The following CHD2 variants were observed in gnomAD, a reference collection of about 807,000 sequenced individuals.
CHD2 encodes the protein chromodomain helicase DNA binding protein 2.
A neutral mutation model predicts 243.9 loss-of-function variants in CHD2; 28 were observed. The observed-to-expected ratio is 0.11, with a 90% CI of 0.09 to 0.16. The LOEUF (loss-of-function observed/expected upper bound fraction) is 0.16, where lower values mean the gene tolerates loss of function less well. Ranked by LOEUF, CHD2 falls within the 10% of genes least tolerant of loss-of-function variation. The pLI, the probability that CHD2 is intolerant of heterozygous loss-of-function variation, is 1.00. For synonymous variants in CHD2, 775 were observed against 779.0 expected, an observed-to-expected ratio of 0.99 and a Z score of 0.09; for missense variants, 1,386 against 2,209.8, an observed-to-expected ratio of 0.63 and a Z score of 7.47.
intron 21 of CHD2, among the ~76,000 whole-genome samples, chr15:92,978,728 T>C (rs553360871): frequency 9.5e-4 from 144 of 152,248 alleles, no homozygotes; most frequent in African/African-American, 2.3e-3. Flanking sequence ...GTTTTTATTA[T>C]ACATGACAGT....
chr15:92,974,550 T>G (rs1289877825), intron 19 of CHD2, among the ~76,000 whole-genome samples: 1 of 152,196 alleles, frequency 6.6e-6, no homozygotes, highest in Non-Finnish European at 1.5e-5. Flanking sequence ...CTGCAGTACC[T>G]ACAGAAACAG....
chr15:92,929,180 C>A, intron 5 of CHD2, 89 bp downstream of exon 5: 1 of 1,227,272 alleles, frequency 8.1e-7, no homozygotes, highest in Non-Finnish European at 1.2e-6. Context: ...CTTTAGTCTA[C>A]TCCAGGTCCC....
intron 2 of CHD2, among the ~76,000 whole-genome samples, chr15:92,916,700 C>T (rs571563563): frequency 1.5e-4 from 23 of 152,232 alleles, no homozygotes; most frequent in African/African-American, 4.1e-4. Context: ...ACTACAGGCG[C>T]GTGCCACCAC....
intron 2 of CHD2, among the ~76,000 whole-genome samples, chr15:92,919,009 C>T (rs774516909): frequency 2.6e-5 from 4 of 151,944 alleles, no homozygotes; most frequent in Non-Finnish European, 5.9e-5. Context: ...CAGGTGCATG[C>T]CACCATACCT....
chr15:93,022,631 G>A (rs1425856124), intron 38 of CHD2, among the ~76,000 whole-genome samples: 2 of 152,204 alleles, frequency 1.3e-5, no homozygotes, highest in African/African-American at 4.8e-5. Context: ...GTATTCAGCT[G>A]TATACCTGGG....
At chr15:92,975,775 G>A (rs1247169605) in intron 20 of CHD2, among the ~76,000 whole-genome samples, 1 of 152,056 alleles carries the variant, frequency 6.6e-6, no homozygotes, top group Non-Finnish European at 1.5e-5. Flanking sequence ...TGCCTTTAGA[G>A]TGTAGAAATC....
At chr15:92,976,418 G>A (rs1018397193) in intron 20 of CHD2, among the ~76,000 whole-genome samples, 1 of 152,112 alleles carries the variant, frequency 6.6e-6, no homozygotes, top group African/African-American at 2.4e-5. Flanking sequence ...ACAACTTGCT[G>A]TTCACGTCTT....
intron 37 of CHD2, among the ~76,000 whole-genome samples, chr15:93,016,170 G>A (rs1185556658): frequency 6.6e-6 from 1 of 152,232 alleles, no homozygotes; most frequent in Non-Finnish European, 1.5e-5. Flanking sequence ...ATAGTATTCA[G>A]CTTTAAAAAG....
chr15:93,014,184 T>C (rs1316734688), intron 36 of CHD2, among the ~76,000 whole-genome samples: 2 of 152,182 alleles, frequency 1.3e-5, no homozygotes, highest in African/African-American at 4.8e-5. Flanking sequence ...GGTTAGGATT[T>C]GGGTCACTTT....
At chr15:93,013,710 G>A (rs961759868) in intron 36 of CHD2, among the ~76,000 whole-genome samples, 8 of 152,080 alleles carry the variant, frequency 5.3e-5, no homozygotes, top group Admixed American at 5.2e-4. Flanking sequence ...TGAGGCGGGT[G>A]GATCACTTGA....
intron 3 of CHD2, among the ~76,000 whole-genome samples, chr15:92,925,511 T>C (rs1419755760): frequency 2.0e-5 from 3 of 152,196 alleles, no homozygotes; most frequent in Non-Finnish European, 4.4e-5. Context: ...ATAAAACTAG[T>C]TGATGTAGTA....
chr15:92,992,088 T>C (rs899426712), intron 27 of CHD2, among the ~76,000 whole-genome samples: 3 of 152,250 alleles, frequency 2.0e-5, no homozygotes, highest in African/African-American at 4.8e-5. Context: ...CTTTACTTCC[T>C]ATAAAATCTA....
chr15:93,020,467 A>G (rs2054520996), intron 38 of CHD2: 1 of 647,024 alleles, frequency 1.5e-6, no homozygotes, highest in Non-Finnish European at 2.6e-6. Context: ...TGTGCAGGAA[A>G]AGAGTTTTCT....
chr15:92,914,166 A>C (rs1454152341), intron 2 of CHD2, among the ~76,000 whole-genome samples: 5 of 152,246 alleles, frequency 3.3e-5, no homozygotes, highest in African/African-American at 9.6e-5. Context: ...AAATTGGTCC[A>C]TCTGTCCTTA....
At chr15:93,001,951 G>A (rs947868191) in intron 32 of CHD2, among the ~76,000 whole-genome samples, 1 of 152,188 alleles carries the variant, frequency 6.6e-6, no homozygotes, top group Non-Finnish European at 1.5e-5. Context: ...GTTGCTATGA[G>A]AATTAAATGA....
intron 34 of CHD2, among the ~76,000 whole-genome samples, chr15:93,006,659 G>T (rs1273176819): frequency 6.6e-6 from 1 of 152,134 alleles, no homozygotes; most frequent in East Asian, 1.9e-4. Context: ...TAAGTGATTT[G>T]CCCTGTGTCA....
intron 2 of CHD2, among the ~76,000 whole-genome samples, chr15:92,913,144 A>G (rs2052771982): frequency 1.3e-5 from 2 of 152,348 alleles, no homozygotes; most frequent in South Asian, 4.1e-4. Flanking sequence ...GTTGTGTCCA[A>G]GAATCTGTAT....
chr15:93,023,269 G>C (rs1241281121), intron 38 of CHD2, among the ~76,000 whole-genome samples: 1 of 152,214 alleles, frequency 6.6e-6, no homozygotes, highest in African/African-American at 2.4e-5. Flanking sequence ...TATAGAAAGA[G>C]TCATACAATA....
At chr15:92,908,179 C>T (rs1046042904) in intron 2 of CHD2, among the ~76,000 whole-genome samples, 13 of 151,486 alleles carry the variant, frequency 8.6e-5, no homozygotes, top group Non-Finnish European at 1.3e-4. Flanking sequence ...CTGGTTTATC[C>T]TCTGTCTCAT....
Sources: allele counts gnomAD v4.1 joint callset (sites outside exome capture counted in the v4.1 genomes callset), GRCh38; gene constraint gnomAD v4.1.1; transcripts MANE v1.5; gene names NCBI Gene and HGNC (gene_info 2026-07-23, HGNC 2026-07-21).